The following TGFBRAP1 variants were observed in gnomAD, a reference collection of about 807,000 sequenced individuals.
The protein encoded by TGFBRAP1 is transforming growth factor-beta receptor-associated protein 1.
Under a neutral mutation model 83.2 loss-of-function variants are expected in TGFBRAP1, and 20 were observed. The ratio of observed to expected loss-of-function variants is 0.24; its 90% confidence interval spans 0.17 to 0.35. The LOEUF (loss-of-function observed/expected upper bound fraction) is 0.35. Ranked by LOEUF, TGFBRAP1 falls within the 10% of genes least tolerant of loss-of-function variation. The pLI, the probability that TGFBRAP1 is intolerant of heterozygous loss-of-function variation, is 1.00. For synonymous variants in TGFBRAP1, 415 were observed against 459.8 expected (o/e 0.90, Z 1.25); for missense variants, 950 against 1,099.4 (o/e 0.86, Z 1.92).
At chr2:105,283,243 T>C (rs1677604188) in intron 5 of TGFBRAP1, among the ~76,000 whole-genome samples, 1 of 152,248 alleles carries the variant, frequency 6.6e-6, no homozygotes, top group Non-Finnish European at 1.5e-5. Context: ...GCATCATTAT[T>C]CAAGGAATGA....
chr2:105,291,768 C>T (rs932967425), intron 4 of TGFBRAP1, among the ~76,000 whole-genome samples: 1 of 151,990 alleles, frequency 6.6e-6, no homozygotes, highest in Non-Finnish European at 1.5e-5. Flanking sequence ...GGGCCGGGTG[C>T]GGAGGGAATG....
intron 9 of TGFBRAP1, 75 bp downstream of exon 9, chr2:105,273,469 A>G (rs2104317840): frequency 4.4e-6 from 7 of 1,573,906 alleles, no homozygotes; most frequent in Non-Finnish European, 3.5e-6. Context: ...ACACAGAATC[A>G]CATGCCAAAA....
rs1488118505 is a variant in TGFBRAP1 at position 105,269,567 on chromosome 2, G to A, written c.2111C>T (p.Ser704Phe). 6 of 1,611,674 alleles carry A rather than the reference G, an allele frequency of 3.7e-6. No homozygotes were observed. In the South Asian group the frequency reaches 6.6e-5, roughly 18 times the overall value. ...GCGGTGGGGTGGGTCTCGGCCCTCGGAGCACCACAGGCAGTAGTCCTCGGC... is the reference window on the plus strand; with the variant it reads ...GCGGTGGGGTGGGTCTCGGCCCTCGAAGCACCACAGGCAGTAGTCCTCGGC... Reference protein sequence around the residue: ...AAAEDYCLWCSEGRDPPHRQQ... With the variant: ...AAAEDYCLWCFEGRDPPHRQQ... The change falls in exon 11 of 12, where the codon TCC (serine) becomes TTC (phenylalanine). Residue 704 changes from serine (S) to phenylalanine (F), a missense_variant. Ser to Phe is a radical substitution (Grantham distance 155). Transcript: ENST00000393359. This position sits in a 1 kb window ranked among gnomAD's most constrained non-coding sequence, Gnocchi z 4.1.
chr2:105,271,352 G>A (rs530525361), intron 10 of TGFBRAP1, among the ~76,000 whole-genome samples: 13 of 152,310 alleles, frequency 8.5e-5, no homozygotes, highest in African/African-American at 2.6e-4. Context: ...AAGGAGATTT[G>A]TAAAGCAAAA....
chr2:105,323,715 A>T (rs1013577220), intron 1 of TGFBRAP1, among the ~76,000 whole-genome samples: 8 of 152,146 alleles, frequency 5.3e-5, no homozygotes, highest in Admixed American at 5.2e-4. Flanking sequence ...AAAAGTCCCT[A>T]CTAGAAAACA....
chr2:105,251,004 C>G, the TGFBRAP1 span, among the ~76,000 whole-genome samples: 2 of 152,212 alleles, frequency 1.3e-5, no homozygotes, highest in African/African-American at 2.4e-5. Flanking sequence ...CGGCTCGCTA[C>G]AACATCCACC....
intron 1 of TGFBRAP1, among the ~76,000 whole-genome samples, chr2:105,320,658 TTTAG>T (rs1006705691): frequency 7.2e-5 from 11 of 152,200 alleles, no homozygotes; most frequent in African/African-American, 1.9e-4. Context: ...TCCTCCTTTA[TTTAG>T]TAAGAAAAAT....
At chr2:105,277,906 A>T (rs1046389704) in intron 6 of TGFBRAP1, among the ~76,000 whole-genome samples, 3 of 152,008 alleles carry the variant, frequency 2.0e-5, no homozygotes, top group Admixed American at 6.5e-5. Context: ...AAATATTTTT[A>T]AAAATTAGCC....
At chr2:105,294,215 A>G (rs1204002003) in intron 4 of TGFBRAP1, among the ~76,000 whole-genome samples, 1 of 152,120 alleles carries the variant, frequency 6.6e-6, no homozygotes, top group Non-Finnish European at 1.5e-5. Context: ...CGTTCCTGAC[A>G]TACTATCCGG....
intron 1 of TGFBRAP1, chr2:105,324,990 C>G (rs572496884): frequency 6.6e-6 from 1 of 152,242 alleles, no homozygotes; most frequent in Non-Finnish European, 1.5e-5. Flanking sequence ...CACTAAGAGG[C>G]TTTGTCTGGG....
At chr2:105,277,586 A>C (rs1383821012) in intron 7 of TGFBRAP1, 28 bp downstream of exon 7, 4 of 1,611,944 alleles carry the variant, frequency 2.5e-6, no homozygotes, top group Non-Finnish European at 2.5e-6. Flanking sequence ...CTGATTTTTA[A>C]ATCATGTGGA....
chr2:105,291,529 A>G (rs1409054010), intron 4 of TGFBRAP1, among the ~76,000 whole-genome samples: 4 of 152,226 alleles, frequency 2.6e-5, no homozygotes, highest in Admixed American at 1.3e-4. Flanking sequence ...CAACTTATTC[A>G]TCGACAGATG....
At chr2:105,278,066 A>ATG (rs1463765090) in intron 6 of TGFBRAP1, among the ~76,000 whole-genome samples, 1 of 113,702 alleles carries the variant, frequency 8.8e-6, no homozygotes, top group South Asian at 3.1e-4. Context: ...CTCAAAAAAT[A>ATG]TATGTGTGTG....
chr2:105,299,374 G>T (rs908535310), intron 2 of TGFBRAP1, among the ~76,000 whole-genome samples: 1 of 152,124 alleles, frequency 6.6e-6, no homozygotes, highest in Non-Finnish European at 1.5e-5. Flanking sequence ...CCTCACGTGA[G>T]GACAAAGTGA....
At chr2:105,293,724 T>G (rs770624906) in intron 4 of TGFBRAP1, among the ~76,000 whole-genome samples, 1 of 152,164 alleles carries the variant, frequency 6.6e-6, no homozygotes, top group African/African-American at 2.4e-5. Context: ...TTGTTTAAGG[T>G]TTCTATTTCA....
At chr2:105,326,896 A>C (rs1213424268) in intron 1 of TGFBRAP1, among the ~76,000 whole-genome samples, 1 of 152,162 alleles carries the variant, frequency 6.6e-6, no homozygotes, top group African/African-American at 2.4e-5. Flanking sequence ...TTCATAATTC[A>C]CTTTTCATGA....
chr2:105,323,757 G>T lies in TGFBRAP1; in HGVS notation c.-18+5868C>A, dbSNP rs377627853. On this transcript the variant is annotated intron_variant, in intron 1 of 11. Coordinates refer to ENST00000393359, the MANE Select transcript of TGFBRAP1 (RefSeq NM_004257.6). ...CAAACACCTCCAATTCCCATGGGGG[G>T]TTTGATAGGCTCTCTGACAATCACT... 2.6e-5 allele frequency among the ~76,000 whole-genome samples: 4 copies of T among 152,170 alleles called. No homozygotes were observed. The East Asian group carries it at 7.8e-4, about 30-fold the overall frequency.
In TGFBRAP1 at chr2:105,273,579, A is replaced by G; in HGVS notation, c.1777T>C (p.Tyr593His). 6.2e-7 allele frequency: 1 copy of G among 1,614,190 alleles called. No individual in the cohort carries two copies. Residue 593 changes from tyrosine to histidine, a missense_variant, in exon 9 of 12, where the codon TAT becomes CAT. Coordinates refer to ENST00000393359, the MANE Select transcript of TGFBRAP1 (RefSeq NM_004257.6). ...TTGTCTATCACAAGATGTTCCAGAT[A>G]CTTCACAAGGGCTTTAGGGTATTTT... ...LKKYPKALVK[Y>H]LEHLVIDKRL...
At chr2:105,271,899 C>A (rs1474628147) in intron 10 of TGFBRAP1, among the ~76,000 whole-genome samples, 1 of 152,180 alleles carries the variant, frequency 6.6e-6, no homozygotes, top group East Asian at 1.9e-4. Flanking sequence ...AGCTGTCGTA[C>A]TAGCTACACG....
Sources: allele counts gnomAD v4.1 joint callset (sites outside exome capture counted in the v4.1 genomes callset), GRCh38; gene constraint gnomAD v4.1.1; non-coding constraint Gnocchi (gnomAD v3.1); transcripts MANE v1.5; gene names NCBI Gene and HGNC (gene_info 2026-07-23, HGNC 2026-07-21).